Variants in SLX4IP observed in about 807,000 individuals in gnomAD.
SLX4IP encodes protein SLX4IP.
SLX4IP carries 34 observed loss-of-function variants against 32.9 expected under a neutral mutation model. The ratio of observed to expected loss-of-function variants is 1.03; its 90% CI spans 0.79 to 1.38. SLX4IP has a LOEUF of 1.38. Ranked by LOEUF, SLX4IP falls within the 40% of genes most tolerant of loss-of-function variation. SLX4IP has a pLI of 0.00. For synonymous variants in SLX4IP, 172 were observed against 171.7 expected (o/e 1.00, Z -0.01); for missense variants, 444 against 479.0 (o/e 0.93, Z 0.68).
intron 2 of SLX4IP, among the ~76,000 whole-genome samples, chr20:10,461,087 A>C (rs1187578021): frequency 1.3e-5 from 2 of 152,228 alleles, no homozygotes; most frequent in Non-Finnish European, 2.9e-5. Flanking sequence ...TTTGTTGGAT[A>C]GTCTCATATG....
intron 4 of SLX4IP, among the ~76,000 whole-genome samples, chr20:10,590,096 G>A (rs1187972717): frequency 2.0e-5 from 3 of 151,850 alleles, no homozygotes; most frequent in Admixed American, 2.0e-4. Flanking sequence ...TAGGCACTCG[G>A]TACATATTTG....
intron 1 of SLX4IP, among the ~76,000 whole-genome samples, chr20:10,450,915 G>T (rs4340600): frequency 6.6e-6 from 1 of 151,434 alleles, no homozygotes. Context: ...CTACGCCCGG[G>T]TAATTTTTTT....
At chr20:10,489,370 C>A (rs1811191585) in intron 2 of SLX4IP, among the ~76,000 whole-genome samples, 1 of 152,172 alleles carries the variant, frequency 6.6e-6, no homozygotes, top group Admixed American at 6.5e-5. Context: ...CTGAAACCCA[C>A]AAGATACATT....
At chr20:10,607,607 C>T (rs2066919797) in intron 6 of SLX4IP, among the ~76,000 whole-genome samples, 1 of 152,102 alleles carries the variant, frequency 6.6e-6, no homozygotes. Context: ...AGGGCCACAC[C>T]CTCAGCAAGT....
intron 2 of SLX4IP, among the ~76,000 whole-genome samples, chr20:10,515,548 G>C (rs905986635): frequency 1.3e-5 from 2 of 152,124 alleles, no homozygotes; most frequent in African/African-American, 4.8e-5. Flanking sequence ...AAAAGTGTTG[G>C]CTCCTTACTC....
At chr20:10,622,554 GTGCC>G in intron 7 of SLX4IP, 101 bp from the exon 8 acceptor site, 1 of 1,450,574 alleles carries the variant, frequency 6.9e-7, no homozygotes, top group Non-Finnish European at 9.2e-7. Context: ...AGGGCAGGTA[GTGCC>G]TGCCTCCTTT....
At position 10,481,684 on chromosome 20, in the gene SLX4IP, A is replaced by G. The variant is rs192210116; in HGVS notation, c.27+23453A>G. On this transcript the variant is annotated intron_variant, in intron 2 of 7. Transcript: ENST00000334534. ...GTTGGTTACCTATTTCTGGTCACCA[A>G]ATTACCCCAGAATTTAGCAGCTTAT... Among the ~76,000 whole-genome samples the G allele has an allele frequency of 2.2e-3, 337 of 152,252 alleles. 3 individuals are homozygous for G. Among genetic ancestry groups the G allele is most frequent in the African/African-American group, 7.7e-3 (319 of 41,544 alleles).
intron 6 of SLX4IP, among the ~76,000 whole-genome samples, chr20:10,608,673 C>CA (rs560866110): frequency 0.13 from 7,790 of 59,918 alleles, 532 homozygotes; most frequent in East Asian, 0.34. Flanking sequence ...TACTCTGTCT[C>CA]AAAAAAAAAA....
chr20:10,551,826 G>A (rs1332326071), intron 2 of SLX4IP, among the ~76,000 whole-genome samples: 1 of 152,186 alleles, frequency 6.6e-6, no homozygotes, highest in Non-Finnish European at 1.5e-5. Context: ...AGGAGACAAA[G>A]ACATGGGCCT....
chr20:10,540,466 A>T (rs1432037321), intron 2 of SLX4IP, among the ~76,000 whole-genome samples: 1 of 152,158 alleles, frequency 6.6e-6, no homozygotes, highest in Non-Finnish European at 1.5e-5. Flanking sequence ...CACTTATCCG[A>T]GGAGGATACC....
chr20:10,559,785 T>C (rs146134149), intron 3 of SLX4IP, among the ~76,000 whole-genome samples: 1 of 152,352 alleles, frequency 6.6e-6, no homozygotes, highest in East Asian at 1.9e-4. Context: ...TAAAACCATG[T>C]GTTTCTGTCG....
intron 6 of SLX4IP, chr20:10,614,156 G>T: frequency 8.0e-6 from 8 of 998,882 alleles, no homozygotes; most frequent in Non-Finnish European, 1.2e-5. Flanking sequence ...CGCGTTGCAC[G>T]CCCAGCACCC....
chr20:10,529,870 G>A (rs923546221), intron 2 of SLX4IP, among the ~76,000 whole-genome samples: 1 of 152,108 alleles, frequency 6.6e-6, no homozygotes, highest in Non-Finnish European at 1.5e-5. Context: ...CCTCAGTTTG[G>A]AAATAGTTTC....
chr20:10,535,561 A>G (rs945392814), intron 2 of SLX4IP, among the ~76,000 whole-genome samples: 7 of 152,150 alleles, frequency 4.6e-5, no homozygotes, highest in Non-Finnish European at 7.4e-5. Flanking sequence ...AGCTCAGGTG[A>G]TCCACCTCCT....
At chr20:10,517,415 T>G (rs6040002) in intron 2 of SLX4IP, among the ~76,000 whole-genome samples, 73 of 152,334 alleles carry the variant, frequency 4.8e-4, no homozygotes, top group African/African-American at 1.8e-3. Flanking sequence ...AGAAGTGATG[T>G]GTCAGAATCT....
At chr20:10,493,444 C>A (rs1388579754) in intron 2 of SLX4IP, among the ~76,000 whole-genome samples, 1 of 152,028 alleles carries the variant, frequency 6.6e-6, no homozygotes. Context: ...ATGTTGAAAC[C>A]ACCAACCATA....
chr20:10,472,770 G>A (rs138652454), intron 2 of SLX4IP, among the ~76,000 whole-genome samples: 1 of 152,156 alleles, frequency 6.6e-6, no homozygotes, highest in Non-Finnish European at 1.5e-5. Flanking sequence ...ACAGAGTCAC[G>A]ACCCAGAAGG....
At chr20:10,573,045 A>T (rs971977439) in intron 4 of SLX4IP, among the ~76,000 whole-genome samples, 2 of 152,132 alleles carry the variant, frequency 1.3e-5, no homozygotes, top group East Asian at 3.9e-4. Context: ...ACTTTCCCCA[A>T]CACCCGATGC....
rs555730761 is a variant in SLX4IP at position 10,525,950 on chromosome 20, T to C, written c.28-30281T>C. Among the ~76,000 whole-genome samples, 6 of 152,318 alleles carry C rather than the reference T, an allele frequency of 3.9e-5. No homozygotes were observed. In the South Asian group the frequency reaches 1.2e-3, roughly 32 times the overall value. On this transcript the variant is annotated intron_variant, in intron 2 of 7. Transcript: ENST00000334534. Reference sequence around the variant, plus strand: ...ATGGGGTAAGGACTTGGGGGTCTCCTGATAAATGCCTTGCTGCCGGCATTC... The same window carrying C: ...ATGGGGTAAGGACTTGGGGGTCTCCCGATAAATGCCTTGCTGCCGGCATTC...
Sources: allele counts gnomAD v4.1 joint callset (sites outside exome capture counted in the v4.1 genomes callset), GRCh38; gene constraint gnomAD v4.1.1; transcripts MANE v1.5; gene names NCBI Gene and HGNC (gene_info 2026-07-23, HGNC 2026-07-21).